The following CLHC1 variants were observed in gnomAD, a reference collection of about 807,000 sequenced individuals.
CLHC1 encodes the protein clathrin heavy chain linker domain-containing protein 1.
A neutral mutation model predicts 69.5 loss-of-function variants in CLHC1; 72 were observed. That is an observed-to-expected ratio of 1.04 (90% CI 0.86 to 1.26). CLHC1 has a LOEUF of 1.26. Among genes scored for constraint, CLHC1 ranks in the 50% most tolerant of loss-of-function variants. The pLI is 0.00. For synonymous variants in CLHC1, 223 were observed against 224.3 expected (o/e 0.99, Z 0.05); for missense variants, 790 against 679.3 (o/e 1.16, Z -1.81).
chr2:55,210,217 G>A (rs1003088383), intron 5 of CLHC1, among the ~76,000 whole-genome samples: 1 of 150,826 alleles, frequency 6.6e-6, no homozygotes, highest in Non-Finnish European at 1.5e-5. Context: ...TTTTTTTTGA[G>A]ATGGAGTCGC....
intron 2 of CLHC1, chr2:55,225,379 T>A (rs910901870): frequency 6.6e-6 from 1 of 152,234 alleles, no homozygotes; most frequent in Non-Finnish European, 1.5e-5. Flanking sequence ...ACCTTGATCA[T>A]GTACTATGTT....
rs766187677 is a variant in CLHC1, at chr2:55,180,512, G to A, written c.1382C>T (p.Thr461Ile). The A allele has an allele frequency of 1.9e-6, 3 of 1,610,692 alleles. No homozygotes were observed. The highest frequency in any genetic ancestry group is 2.5e-6 in the Non-Finnish European group (3 of 1,177,120). ...AAATGGCAGACTTTTTAACTTACCG[G>A]TAGTAAAGTCCTTCAACTGCTGTAT... ...EYIQQLKDFTTDDLLQLLMSC... is the reference protein window; with the variant it reads ...EYIQQLKDFTIDDLLQLLMSC... Residue 461 changes from threonine (T) to isoleucine (I), a missense_variant and splice_region_variant, in exon 11 of 13, where the codon ACC (threonine) becomes ATC (isoleucine). By Grantham distance (89) the Thr-to-Ile change is moderately conservative. Coordinates refer to ENST00000401408, the MANE Select transcript of CLHC1 (RefSeq NM_152385.4).
In CLHC1 at chr2:55,209,454, C is replaced by T; in HGVS notation, c.764G>A (p.Ser255Asn). Residue 255 changes from serine (S) to asparagine (N), a missense_variant, in exon 7 of 13, where the codon AGC becomes AAC. By Grantham distance (46) the Ser-to-Asn change is conservative. Transcript: ENST00000401408. ...LSSWVKSDMS[S>N]PFQDFVEQIQ... ...TTGCTCCACAAAGTCTTGAAATGGG[C>T]TGCTCATATCAGATTTTACCCATGA... 1 of 1,612,402 alleles carries T rather than the reference C, an allele frequency of 6.2e-7. No homozygotes were observed. The highest frequency in any genetic ancestry group is 8.5e-7 in the Non-Finnish European group (1 of 1,179,440).
chr2:55,176,655 C>A (rs762326848), intron 12 of CLHC1, among the ~76,000 whole-genome samples: 18 of 152,070 alleles, frequency 1.2e-4, no homozygotes, highest in African/African-American at 4.1e-4. Context: ...ACTTATGGTA[C>A]TTCATAAAAG....
At chr2:55,221,428 T>C (rs1674103988) in intron 3 of CLHC1, among the ~76,000 whole-genome samples, 1 of 152,240 alleles carries the variant, frequency 6.6e-6, no homozygotes, top group South Asian at 2.1e-4. Flanking sequence ...CTATTTCCAA[T>C]ATTAATTCCA....
intron 9 of CLHC1, among the ~76,000 whole-genome samples, chr2:55,188,475 T>C (rs114512236): frequency 6.6e-6 from 1 of 152,212 alleles, no homozygotes; most frequent in African/African-American, 2.4e-5. Flanking sequence ...ATATAGAACA[T>C]AGGAAATCGC....
chr2:55,203,381 G>C (rs1426546913), intron 9 of CLHC1, among the ~76,000 whole-genome samples: 1 of 152,064 alleles, frequency 6.6e-6, no homozygotes, highest in African/African-American at 2.4e-5. Flanking sequence ...GAACAAAACT[G>C]GAGGAATCAC....
chr2:55,176,011 T>C (rs770751097), intron 12 of CLHC1, 25 bp from the exon 13 acceptor site: 3 of 1,553,536 alleles, frequency 1.9e-6, no homozygotes, highest in South Asian at 1.1e-5. Flanking sequence ...TACAATATTA[T>C]AGTATGGCAC....
At chr2:55,198,954 C>T (rs1671683083) in intron 9 of CLHC1, among the ~76,000 whole-genome samples, 1 of 152,098 alleles carries the variant, frequency 6.6e-6, no homozygotes. Flanking sequence ...AAGACTCTCC[C>T]AGACAAACAA....
rs371724182 is a variant in CLHC1, at chr2:55,180,760, G to A, written c.1182-48C>T. On this transcript the variant is annotated intron_variant, in intron 10 of 12. Transcript: ENST00000401408. Reference sequence around the variant, plus strand: ...ACATATGTTAGAAAATTCCTGATGAGTGGCTGAGACTGAAATATTTGAAAA... The same window carrying A: ...ACATATGTTAGAAAATTCCTGATGAATGGCTGAGACTGAAATATTTGAAAA... The A allele has an allele frequency of 3.1e-5, 45 of 1,473,186 alleles. No individual in the cohort carries two copies. In the African/African-American group the frequency reaches 5.6e-4, roughly 18 times the overall value. The allele number at this position is 1,473,186 out of a possible 1,614,324, so 91.3% of individuals were successfully genotyped here.
intron 3 of CLHC1, among the ~76,000 whole-genome samples, chr2:55,220,444 C>G (rs1341467392): frequency 6.6e-6 from 1 of 152,138 alleles, no homozygotes; most frequent in Non-Finnish European, 1.5e-5. Context: ...ATTTCTAGAT[C>G]CCCTCTCAGT....
intron 1 of CLHC1, among the ~76,000 whole-genome samples, chr2:55,230,881 A>G (rs1675249085): frequency 6.6e-6 from 1 of 152,188 alleles, no homozygotes; most frequent in Non-Finnish European, 1.5e-5. Context: ...CGGAAGGGAA[A>G]GATTAGAGAC....
chr2:55,176,476 T>A (rs1669400284), intron 12 of CLHC1, among the ~76,000 whole-genome samples: 1 of 152,190 alleles, frequency 6.6e-6, no homozygotes, highest in African/African-American at 2.4e-5. Flanking sequence ...AAACTCTTTA[T>A]CCTGTCTCTA....
At chr2:55,180,737 A>T in intron 10 of CLHC1, 25 bp from the exon 11 acceptor site, 1 of 1,597,368 alleles carries the variant, frequency 6.3e-7, no homozygotes, top group Non-Finnish European at 8.6e-7. Context: ...TCAATAAGAC[A>T]TATGTTAGAA....
chr2:55,223,431 C>A (rs1674355577), intron 2 of CLHC1, among the ~76,000 whole-genome samples: 1 of 152,070 alleles, frequency 6.6e-6, no homozygotes, highest in African/African-American at 2.4e-5. Flanking sequence ...GGCGGCCTGG[C>A]GGGGGCGAGC....
intron 2 of CLHC1, among the ~76,000 whole-genome samples, chr2:55,227,347 A>T (rs1674802059): frequency 6.6e-6 from 1 of 152,082 alleles, no homozygotes; most frequent in Middle Eastern, 3.2e-3. Context: ...GAAGCTTATG[A>T]TCTAGTAGGG....
At chr2:55,192,286 A>T (rs1206455740) in intron 9 of CLHC1, among the ~76,000 whole-genome samples, 1 of 151,874 alleles carries the variant, frequency 6.6e-6, no homozygotes, top group Admixed American at 6.6e-5. Context: ...TGCCCAGCTA[A>T]TTTTTGTATT....
intron 8 of CLHC1, among the ~76,000 whole-genome samples, chr2:55,208,324 C>T (rs1173131424): frequency 1.3e-5 from 2 of 152,072 alleles, no homozygotes; most frequent in Non-Finnish European, 2.9e-5. Context: ...AGCCTGAAGG[C>T]AATTTTATAT....
chr2:55,207,333 G>C (rs1672549463), intron 8 of CLHC1, among the ~76,000 whole-genome samples: 1 of 152,136 alleles, frequency 6.6e-6, no homozygotes, highest in Non-Finnish European at 1.5e-5. Context: ...ATAAACAGAA[G>C]TTACACAGTG....
Sources: gnomAD v4.1 joint callset for allele counts (sites outside exome capture counted in the v4.1 genomes callset) on GRCh38, gnomAD v4.1.1 for gene constraint, MANE v1.5 for transcripts, NCBI Gene and HGNC (gene_info 2026-07-23, HGNC 2026-07-21) for gene names.